The following SFI1 variants were observed in gnomAD, a reference collection of about 807,000 sequenced individuals.
SFI1 encodes the protein SFI1 centrin binding protein.
Under a neutral mutation model 207.5 loss-of-function variants are expected in SFI1, and 195 were observed. The ratio of observed to expected loss-of-function variants is 0.94; its 90% CI spans 0.84 to 1.06. SFI1 has a LOEUF of 1.06. Ranked by LOEUF, SFI1 falls within the 50% of genes least tolerant of loss-of-function variation. The pLI is 0.00. For missense variants in SFI1, 1,634 were observed against 1,588.0 expected (o/e 1.03, Z -0.49); for synonymous variants, 630 against 598.9 (o/e 1.05, Z -0.76).
rs756009048 is a variant in SFI1, at chr22:31,614,821, G to A, written c.3029G>A (p.Arg1010Gln). 58 of 1,613,766 alleles carry A rather than the reference G, an allele frequency of 3.6e-5. No individual in the cohort carries two copies. Among genetic ancestry groups the A allele is most frequent in the Middle Eastern group, 3.3e-4 (2 of 6,084 alleles). The change falls in exon 28 of 33, where the codon CGA (arginine) becomes CAA (glutamine). Residue 1010 changes from arginine (R) to glutamine (Q), a missense_variant. Coordinates refer to ENST00000400288, the MANE Select transcript of SFI1 (RefSeq NM_001007467.3). ...NTAHSARKQPRRPHFLLEPAQ... is the reference protein window; with the variant it reads ...NTAHSARKQPQRPHFLLEPAQ... ...GCCCACTCAGCGAGGAAGCAGCCGCGACGCCCACACTTCCTGTTGGAGCCT... is the reference window on the plus strand; with the variant it reads ...GCCCACTCAGCGAGGAAGCAGCCGCAACGCCCACACTTCCTGTTGGAGCCT...
intron 11 of SFI1, 158 bp from the exon 12 acceptor site, chr22:31,580,114 C>G (rs1210864287): frequency 3.4e-6 from 2 of 593,562 alleles, no homozygotes; most frequent in Non-Finnish European, 3.0e-6. Flanking sequence ...AGTTGAATCT[C>G]AAAGCAGAGA....
intron 12 of SFI1, among the ~76,000 whole-genome samples, chr22:31,581,234 C>T (rs1435691323): frequency 2.0e-5 from 3 of 151,730 alleles, no homozygotes; most frequent in African/African-American, 7.3e-5. Flanking sequence ...CCACCTTCGC[C>T]TCTCAAAGTG....
At position 31,520,796 on chromosome 22, in the gene SFI1, G is replaced by T. The variant is rs954857847; in HGVS notation, c.93-7894G>T. Among the ~76,000 whole-genome samples, 3 of 149,266 alleles carry T rather than the reference G, an allele frequency of 2.0e-5. No individual in the cohort carries two copies. The Admixed American group carries it at 2.0e-4, about 10-fold the overall frequency. Reference sequence around the variant, plus strand: ...GGATTCCTTGAGTCCAGGAGTTCGAGACCAGCCTGAGCAACATAGTAAGAC... The same window carrying T: ...GGATTCCTTGAGTCCAGGAGTTCGATACCAGCCTGAGCAACATAGTAAGAC... On this transcript the variant is annotated intron_variant, in intron 2 of 32. Coordinates refer to ENST00000400288, the MANE Select transcript of SFI1 (RefSeq NM_001007467.3).
At position 31,613,840 on chromosome 22, in the gene SFI1, C is replaced by A; in HGVS notation, c.2981C>A (p.Pro994His). ...CTGGGCCGCCTGGCTGCTGAGGAGC[C>A]CCACGCCCTGGAGCTGTGAGTAGCC... ...GALGRLAAEE[P>H]HALELNTAHS... is the part of the protein sequence containing the mutation. The change falls in exon 27 of 33, where the codon CCC (proline) becomes CAC (histidine). Residue 994 changes from proline to histidine, a missense_variant. Transcript: ENST00000400288. 2 of 1,605,770 alleles carry A rather than the reference C, an allele frequency of 1.2e-6. No individual in the cohort carries two copies. The highest frequency in any genetic ancestry group is 1.7e-5 in the Admixed American group (1 of 59,240).
At chr22:31,616,449 G>T in intron 29 of SFI1, 1 of 351,894 alleles carries the variant, frequency 2.8e-6, no homozygotes, top group Non-Finnish European at 5.1e-6. Context: ...GTGGAGGGTT[G>T]GGTAAGGCAA....
At chr22:31,607,850 T>G in intron 21 of SFI1, 87 bp from the exon 22 acceptor site, 1 of 1,212,830 alleles carries the variant, frequency 8.2e-7, no homozygotes, top group Non-Finnish European at 1.2e-6. Context: ...TGGCCTTGCC[T>G]CTCCAGGAGC....
At chr22:31,593,273 C>T in intron 15 of SFI1, among the ~76,000 whole-genome samples, 1 of 145,404 alleles carries the variant, frequency 6.9e-6, no homozygotes, top group Middle Eastern at 3.7e-3. Context: ...CTCCTCACTT[C>T]TCAGACGGGG....
At chr22:31,556,749 C>T (rs566183548) in intron 6 of SFI1, among the ~76,000 whole-genome samples, 193 bp from the exon 7 acceptor site, 5 of 152,182 alleles carry the variant, frequency 3.3e-5, no homozygotes, top group African/African-American at 9.6e-5. Flanking sequence ...TTGTAAATGT[C>T]GTTACTTGCA....
At chr22:31,514,083 G>A (rs923441961) in intron 2 of SFI1, among the ~76,000 whole-genome samples, 1 of 148,208 alleles carries the variant, frequency 6.7e-6, no homozygotes, top group Non-Finnish European at 1.5e-5. Context: ...GCAGTGAGCC[G>A]AGATTGGAGA....
At chr22:31,549,827 T>C (rs1459484234) in intron 5 of SFI1, among the ~76,000 whole-genome samples, 3 of 151,810 alleles carry the variant, frequency 2.0e-5, no homozygotes, top group East Asian at 3.9e-4. Flanking sequence ...GGTGCAGATA[T>C]GGCTTTTTTT....
At chr22:31,617,678 G>A (rs1164272063) in intron 31 of SFI1, among the ~76,000 whole-genome samples, 4 of 150,712 alleles carry the variant, frequency 2.7e-5, no homozygotes, top group East Asian at 2.0e-4. Flanking sequence ...CTGAGATCAC[G>A]CCATTGCACT....
intron 5 of SFI1, among the ~76,000 whole-genome samples, chr22:31,548,766 G>T (rs867292634): frequency 1.3e-5 from 2 of 151,624 alleles, no homozygotes; most frequent in Non-Finnish European, 1.5e-5. Context: ...CCAAGATCAT[G>T]CCACTGCACT....
intron 5 of SFI1, among the ~76,000 whole-genome samples, chr22:31,547,587 A>G (rs1688713932): frequency 6.6e-6 from 1 of 151,324 alleles, no homozygotes; most frequent in Non-Finnish European, 1.5e-5. Flanking sequence ...CTGGGATTAC[A>G]GGCATGAGTC....
chr22:31,525,490 C>T (rs561175219), intron 2 of SFI1, among the ~76,000 whole-genome samples: 2 of 152,230 alleles, frequency 1.3e-5, no homozygotes, highest in Admixed American at 1.3e-4. Context: ...CACTTTGGGA[C>T]ACCAGGACAG....
intron 10 of SFI1, among the ~76,000 whole-genome samples, chr22:31,577,756 G>A (rs951634422): frequency 1.4e-4 from 22 of 152,186 alleles, no homozygotes; most frequent in Non-Finnish European, 2.9e-5. Flanking sequence ...AGTGCAGTCA[G>A]ATTTGTGCTT....
At chr22:31,573,500 C>T (rs2145862168) in intron 9 of SFI1, among the ~76,000 whole-genome samples, 1 of 150,614 alleles carries the variant, frequency 6.6e-6, no homozygotes, top group South Asian at 2.1e-4. Context: ...TGCAGTGGCG[C>T]AATCTCGGCT....
chr22:31,590,109 A>AT (rs930557368), intron 15 of SFI1, among the ~76,000 whole-genome samples: 1 of 151,560 alleles, frequency 6.6e-6, no homozygotes. Flanking sequence ...AAAGGGGCAG[A>AT]TTCTTTCTCC....
chr22:31,557,684 A>G (rs991820570), intron 7 of SFI1, among the ~76,000 whole-genome samples: 2 of 152,116 alleles, frequency 1.3e-5, no homozygotes, highest in African/African-American at 4.8e-5. Flanking sequence ...CTTACCGTAA[A>G]CTGTAAGTAC....
chr22:31,605,242 T>G, intron 20 of SFI1: 1 of 241,792 alleles, frequency 4.1e-6, no homozygotes. Flanking sequence ...AAAATTCAGC[T>G]TTGCAAGGCA....
Sources: allele counts gnomAD v4.1 joint callset (sites outside exome capture counted in the v4.1 genomes callset), GRCh38; gene constraint gnomAD v4.1.1; transcripts MANE v1.5; gene names NCBI Gene and HGNC (gene_info 2026-07-23, HGNC 2026-07-21).